Variants in IGFBPL1 observed in about 807,000 individuals in gnomAD.
IGFBPL1 encodes insulin-like growth factor-binding protein-like 1.
In IGFBPL1, 20 loss-of-function variants were observed where a neutral mutation model predicts 23.9. The ratio of observed to expected loss-of-function variants is 0.84; its 90% CI spans 0.59 to 1.22. The LOEUF (loss-of-function observed/expected upper bound fraction) is 1.22, where lower values mean the gene tolerates loss of function less well. Ranked by LOEUF, IGFBPL1 falls within the 50% of genes most tolerant of loss-of-function variation. The pLI is 0.00. For missense variants in IGFBPL1, 436 were observed against 379.3 expected (o/e 1.15, Z -1.24); for synonymous variants, 184 against 171.8 (o/e 1.07, Z -0.56).
chr9:38,411,137 T>G (rs1031658708), intron 4 of IGFBPL1, among the ~76,000 whole-genome samples: 2 of 151,870 alleles, frequency 1.3e-5, no homozygotes, highest in African/African-American at 4.9e-5. Context: ...AAAACACAAC[T>G]GGTCTTTTCA....
At position 38,407,093 on chromosome 9, in the gene IGFBPL1, C is replaced by T. The variant is rs1475102; in HGVS notation, c.*2134G>A. On this transcript the variant is annotated 3_prime_UTR_variant, in exon 5 of 5. Coordinates refer to ENST00000377694, the MANE Select transcript of IGFBPL1 (RefSeq NM_001007563.3). Reference sequence around the variant, plus strand: ...AGACACAGGAGAATTAACTGCAGGCCTTCACACATGGAAGTCAGTCACAGT... The same window carrying T: ...AGACACAGGAGAATTAACTGCAGGCTTTCACACATGGAAGTCAGTCACAGT... Among the ~76,000 whole-genome samples, 104,001 of 150,874 alleles carry T rather than the reference C, an allele frequency of 0.69. 35,912 individuals carry two copies. The highest frequency in any genetic ancestry group is 0.76 in the Middle Eastern group (217 of 286).
chr9:38,416,239 G>C (rs113944554), intron 1 of IGFBPL1, among the ~76,000 whole-genome samples: 17 of 152,284 alleles, frequency 1.1e-4, no homozygotes, highest in African/African-American at 4.1e-4. Flanking sequence ...GTTTACTTTT[G>C]TTCATGTAAA....
intron 1 of IGFBPL1, among the ~76,000 whole-genome samples, chr9:38,420,550 C>A (rs778612069): frequency 6.6e-6 from 1 of 152,214 alleles, no homozygotes; most frequent in Non-Finnish European, 1.5e-5. Context: ...AATAGCGAGG[C>A]AGGCCAGGCA....
intron 1 of IGFBPL1, among the ~76,000 whole-genome samples, chr9:38,415,778 T>C (rs1482357169): frequency 6.6e-6 from 1 of 152,186 alleles, no homozygotes; most frequent in African/African-American, 2.4e-5. Flanking sequence ...TCCCACCTGT[T>C]GATCCTGGGG....
intron 3 of IGFBPL1, 89 bp from the exon 4 acceptor site, chr9:38,411,638 T>G: frequency 9.2e-7 from 1 of 1,090,208 alleles, no homozygotes. Context: ...GTCTGCACAC[T>G]TCCTCCTTTT....
Position 38,406,854 on chromosome 9 carries a change from A to G in IGFBPL1, c.*2373T>C, listed in dbSNP as rs1284209836. Among the ~76,000 whole-genome samples the G allele has an allele frequency of 6.6e-6, 1 of 152,196 alleles. No individual in the cohort carries two copies. Among genetic ancestry groups the G allele is most frequent in the African/African-American group, 2.4e-5 (1 of 41,454 alleles). ...GCCCCATACAGTCCTGATGCTCAGT[A>G]CTTCCAGCATGGGCTCTGTCCACCC... On this transcript the variant is annotated 3_prime_UTR_variant, in exon 5 of 5. Coordinates refer to ENST00000377694, the MANE Select transcript of IGFBPL1 (RefSeq NM_001007563.3).
In IGFBPL1 at chr9:38,417,511, G is replaced by A. The variant is rs189052873; in HGVS notation, c.461-3308C>T. Reference sequence around the variant, plus strand: ...AACATTTGTTATCTGTGTGGTCTCCGATCCAGAATAAGAGATGAGTTGCTT... The same window carrying A: ...AACATTTGTTATCTGTGTGGTCTCCAATCCAGAATAAGAGATGAGTTGCTT... On this transcript the variant is annotated intron_variant, in intron 1 of 4. Coordinates refer to ENST00000377694, the MANE Select transcript of IGFBPL1 (RefSeq NM_001007563.3). Among the ~76,000 whole-genome samples, 45 of 152,264 alleles carry A rather than the reference G, an allele frequency of 3.0e-4. No individual in the cohort carries two copies. The Middle Eastern group carries it at 0.01, about 35-fold the overall frequency.
rs1194275403 is a variant in IGFBPL1, at chr9:38,408,269, A to AT, written c.*957_*958insA. Among the ~76,000 whole-genome samples the AT allele has an allele frequency of 2.0e-5, 3 of 149,596 alleles. No individual in the cohort carries two copies. The highest frequency in any genetic ancestry group is 7.4e-5 in the African/African-American group (3 of 40,610). ...CTGTCTCTACAAAAAAAAAAAAAAAAAAAAAAAAAATAGCTGGGTGTGGTG... is the reference window on the plus strand; with the variant it reads ...CTGTCTCTACAAAAAAAAAAAAAAAATAAAAAAAAAATAGCTGGGTGTGGTG... On this transcript the variant is annotated 3_prime_UTR_variant, in exon 5 of 5. Transcript: ENST00000377694.
At chr9:38,414,229 A>G (rs575282840) in intron 1 of IGFBPL1, 26 bp from the exon 2 acceptor site, 3 of 1,451,132 alleles carry the variant, frequency 2.1e-6, no homozygotes, top group South Asian at 2.5e-5. Context: ...AAGGAGACGC[A>G]GCCTTTACCC....
At chr9:38,419,887 TCC>T (rs1821652978) in intron 1 of IGFBPL1, among the ~76,000 whole-genome samples, 2 of 137,088 alleles carry the variant, frequency 1.5e-5, no homozygotes, top group African/African-American at 5.2e-5. Flanking sequence ...CTCCTCCTCC[TCC>T]TCCTTCTTCT....
At chr9:38,423,576 C>T (rs1280966370) in intron 1 of IGFBPL1, among the ~76,000 whole-genome samples, 3 of 151,932 alleles carry the variant, frequency 2.0e-5, no homozygotes, top group African/African-American at 7.3e-5. Flanking sequence ...TACTTCCCTT[C>T]CTCCCCCAAC....
intron 1 of IGFBPL1, 127 bp downstream of exon 1, chr9:38,423,837 TG>T: frequency 1.1e-6 from 1 of 899,504 alleles, no homozygotes. Context: ...TATGAAATAC[TG>T]CTCCCTAAGG....
intron 1 of IGFBPL1, among the ~76,000 whole-genome samples, chr9:38,419,358 C>G (rs954195968): frequency 1.3e-5 from 2 of 152,196 alleles, no homozygotes; most frequent in African/African-American, 4.8e-5. Context: ...GCCTCTGCCT[C>G]AGATCTCCTC....
At chr9:38,417,680 C>A (rs1821620009) in intron 1 of IGFBPL1, among the ~76,000 whole-genome samples, 1 of 152,154 alleles carries the variant, frequency 6.6e-6, no homozygotes, top group Non-Finnish European at 1.5e-5. Flanking sequence ...CTGGCAAAAT[C>A]AGCCAAGGGA....
rs774175019 is a variant in IGFBPL1 at position 38,414,154 on chromosome 9, C to T, written c.510G>A (p.Ala170=). The T allele has an allele frequency of 5.6e-6, 9 of 1,612,144 alleles. No homozygotes were observed. Among genetic ancestry groups the T allele is most frequent in the South Asian group, 2.2e-5 (2 of 90,744 alleles). ...PPRSVHNVTG[A]QVGLSCEVRA... Reference sequence around the variant, plus strand: ...TCACTTCACAGGACAGGCCCACCTGCGCCCCGGTGACGTTGTGAACACTTC... The same window carrying T: ...TCACTTCACAGGACAGGCCCACCTGTGCCCCGGTGACGTTGTGAACACTTC... Residue 170 remains alanine (A), a synonymous_variant, in exon 2 of 5, where the codon GCG becomes GCA. Transcript: ENST00000377694.
intron 1 of IGFBPL1, 76 bp from the exon 2 acceptor site, chr9:38,414,279 G>A (rs1452895014): frequency 5.0e-6 from 4 of 806,468 alleles, no homozygotes; most frequent in Non-Finnish European, 6.1e-6. Flanking sequence ...TTCCCCTGCC[G>A]CGGAGAGCCC....
At chr9:38,417,191 G>A (rs1447493087) in intron 1 of IGFBPL1, among the ~76,000 whole-genome samples, 1 of 152,126 alleles carries the variant, frequency 6.6e-6, no homozygotes, top group East Asian at 1.9e-4. Context: ...TGGTGGCGCT[G>A]CCCTGGGTTA....
chr9:38,422,223 A>G (rs1821690131), intron 1 of IGFBPL1, among the ~76,000 whole-genome samples: 1 of 152,180 alleles, frequency 6.6e-6, no homozygotes, highest in Non-Finnish European at 1.5e-5. Context: ...CACCCTGGAC[A>G]AGGGCTCTGA....
intron 1 of IGFBPL1, 88 bp from the exon 2 acceptor site, chr9:38,414,291 C>T: frequency 1.4e-6 from 1 of 712,372 alleles, no homozygotes; most frequent in Non-Finnish European, 2.4e-6. Flanking sequence ...GGAGAGCCCG[C>T]TGTGATGTCC....
Sources: allele counts gnomAD v4.1 joint callset (sites outside exome capture counted in the v4.1 genomes callset), GRCh38; gene constraint gnomAD v4.1.1; transcripts MANE v1.5; gene names NCBI Gene and HGNC (gene_info 2026-07-23, HGNC 2026-07-21).